Variants in FSTL5 observed in about 807,000 individuals in gnomAD.
The protein encoded by FSTL5 is follistatin like 5, also known as follistatin-related protein 5.
FSTL5 carries 62 observed loss-of-function variants against 89.1 expected under a neutral mutation model. That is an observed-to-expected ratio of 0.70 (90% CI 0.57 to 0.86). The LOEUF (loss-of-function observed/expected upper bound fraction) is 0.86, where lower values mean the gene tolerates loss of function less well. FSTL5 is among the 40% of genes least tolerant of loss of function. The pLI, the probability that FSTL5 is intolerant of heterozygous loss-of-function variation, is 0.00. For synonymous variants in FSTL5, 383 were observed against 346.2 expected, an observed-to-expected ratio of 1.11 and a Z score of -1.18; for missense variants, 1,057 against 1,001.6, an observed-to-expected ratio of 1.06 and a Z score of -0.75.
intron 15 of FSTL5, among the ~76,000 whole-genome samples, chr4:161,416,706 G>A (rs1450293463): frequency 6.6e-6 from 1 of 151,854 alleles, no homozygotes; most frequent in African/African-American, 2.4e-5. Flanking sequence ...TTAGCCGGGT[G>A]TGGTGGCGGG....
intron 1 of FSTL5, among the ~76,000 whole-genome samples, chr4:162,139,384 TGAA>T (rs1339884845): frequency 6.6e-6 from 1 of 152,032 alleles, no homozygotes; most frequent in Non-Finnish European, 1.5e-5. Context: ...GAGAAATTCC[TGAA>T]GAAGGAATAG....
At chr4:162,127,585 A>T (rs1732132623) in intron 1 of FSTL5, among the ~76,000 whole-genome samples, 1 of 152,204 alleles carries the variant, frequency 6.6e-6, no homozygotes, top group Admixed American at 6.5e-5. Flanking sequence ...AGTTACTTAG[A>T]TGATAGGATT....
At chr4:161,926,479 T>C (rs1213058265) in intron 3 of FSTL5, among the ~76,000 whole-genome samples, 1 of 151,148 alleles carries the variant, frequency 6.6e-6, no homozygotes, top group Non-Finnish European at 1.5e-5. Context: ...ATCCAGGTAA[T>C]TTGCACCCAT....
At chr4:162,075,638 T>G in intron 2 of FSTL5, among the ~76,000 whole-genome samples, 1 of 151,904 alleles carries the variant, frequency 6.6e-6, no homozygotes, top group East Asian at 1.9e-4. Context: ...TGGATACTGA[T>G]AGAGGACATC....
intron 8 of FSTL5, among the ~76,000 whole-genome samples, chr4:161,561,427 T>G (rs994163289): frequency 4.6e-5 from 7 of 151,920 alleles, no homozygotes; most frequent in South Asian, 2.1e-4. Context: ...GAGAGTAGAT[T>G]AGTGATTTCC....
chr4:161,967,148 A>G (rs1735351736), intron 3 of FSTL5, among the ~76,000 whole-genome samples: 1 of 152,024 alleles, frequency 6.6e-6, no homozygotes, highest in South Asian at 2.1e-4. Context: ...ATTTGATAAA[A>G]ATTTTAATTT....
chr4:162,079,110 G>T (rs536895259), intron 2 of FSTL5, among the ~76,000 whole-genome samples: 12 of 151,700 alleles, frequency 7.9e-5, no homozygotes, highest in Non-Finnish European at 1.6e-4. Context: ...TATACCTGTT[G>T]CAAATATCAA....
chr4:161,546,292 TTA>T (rs142188672), intron 8 of FSTL5, among the ~76,000 whole-genome samples: 128 of 145,550 alleles, frequency 8.8e-4, no homozygotes, highest in Admixed American at 4.0e-3. Context: ...TATATACATA[TTA>T]TATATATATA....
chr4:161,841,165 C>T (rs1020494823), intron 4 of FSTL5, among the ~76,000 whole-genome samples: 93 of 152,192 alleles, frequency 6.1e-4, no homozygotes, highest in African/African-American at 2.2e-3. Context: ...ATAAACAGTT[C>T]CTTATTTAAA....
chr4:162,088,766 T>A (rs12505212), intron 2 of FSTL5, among the ~76,000 whole-genome samples: 53,232 of 151,950 alleles, frequency 0.35, 10,087 homozygotes, highest in East Asian at 0.46. Context: ...TTATGCTTTC[T>A]CCAGAACTAT....
intron 6 of FSTL5, among the ~76,000 whole-genome samples, chr4:161,661,507 A>G (rs1736709840): frequency 6.6e-6 from 1 of 152,156 alleles, no homozygotes; most frequent in African/African-American, 2.4e-5. Context: ...TCACTTAGAA[A>G]CTGTAAATGG....
chr4:162,155,065 T>C (rs1352551454), intron 1 of FSTL5, among the ~76,000 whole-genome samples: 1 of 152,198 alleles, frequency 6.6e-6, no homozygotes, highest in Non-Finnish European at 1.5e-5. Context: ...CACTCTTGTA[T>C]AATCACCTCA....
chr4:162,113,618 T>C (rs1201293216), intron 1 of FSTL5, among the ~76,000 whole-genome samples: 2 of 152,166 alleles, frequency 1.3e-5, no homozygotes, highest in African/African-American at 4.8e-5. Flanking sequence ...TGTGTTTCTC[T>C]CTCCCTCTAG....
At chr4:161,536,426 T>C (rs942399756) in intron 10 of FSTL5, among the ~76,000 whole-genome samples, 1 of 152,102 alleles carries the variant, frequency 6.6e-6, no homozygotes, top group Non-Finnish European at 1.5e-5. Flanking sequence ...ATCCACCCGA[T>C]TTTGGTTTTC....
chr4:161,649,812 T>C (rs908216333), intron 7 of FSTL5, among the ~76,000 whole-genome samples: 3 of 152,172 alleles, frequency 2.0e-5, no homozygotes, highest in Non-Finnish European at 4.4e-5. Context: ...CCAGGAAGAC[T>C]CTTTACAACA....
chr4:162,160,028 C>G (rs1733633254), intron 1 of FSTL5, among the ~76,000 whole-genome samples: 1 of 151,882 alleles, frequency 6.6e-6, no homozygotes, highest in Non-Finnish European at 1.5e-5. Flanking sequence ...GCTAGCATGT[C>G]TTTAACTTGC....
At chr4:161,757,613 T>C (rs565078977) in intron 6 of FSTL5, among the ~76,000 whole-genome samples, 1 of 152,074 alleles carries the variant, frequency 6.6e-6, no homozygotes, top group Non-Finnish European at 1.5e-5. Context: ...TAATGCTGTG[T>C]TCTTTTTATT....
chr4:162,084,535 A>G (rs1044662967), intron 2 of FSTL5, among the ~76,000 whole-genome samples: 4 of 152,242 alleles, frequency 2.6e-5, no homozygotes, highest in Admixed American at 1.3e-4. Flanking sequence ...AATGCCCATC[A>G]ATGATAGAAA....
At chr4:162,013,731 G>A (rs1402989115) in intron 3 of FSTL5, among the ~76,000 whole-genome samples, 1 of 151,548 alleles carries the variant, frequency 6.6e-6, no homozygotes, top group South Asian at 2.1e-4. Context: ...GTTTTTTAAG[G>A]GTTTAGATTA....
Sources: gnomAD v4.1 joint callset for allele counts (sites outside exome capture counted in the v4.1 genomes callset) on GRCh38, gnomAD v4.1.1 for gene constraint, MANE v1.5 for transcripts, NCBI Gene and HGNC (gene_info 2026-07-23, HGNC 2026-07-21) for gene names.